SPG7: variants seen among roughly 807,000 people sequenced by gnomAD.
The protein encoded by SPG7 is mitochondrial inner membrane m-AAA protease component paraplegin.
In SPG7, 103 loss-of-function variants were observed where a neutral mutation model predicts 81.9. The observed-to-expected ratio is 1.26, with a 90% CI of 1.07 to 1.48. The LOEUF is 1.48. SPG7 is among the 40% of genes most tolerant of loss of function. The pLI is 0.00. For missense variants in SPG7, 1,241 were observed against 1,087.3 expected, an observed-to-expected ratio of 1.14 and a Z score of -1.99; for synonymous variants, 534 against 444.2, an observed-to-expected ratio of 1.20 and a Z score of -2.54.
At position 89,525,612 on chromosome 16, in the gene SPG7, G is replaced by A. The variant is rs117124148; in HGVS notation, c.619-717G>A. ...TGTGTCCTCCCTTTGGGGTGTTGCC[G>A]TCCAGTCATGCTGAAATCTGAGCTA... On this transcript the variant is annotated intron_variant, in intron 4 of 16. Coordinates refer to ENST00000645818, the MANE Select transcript of SPG7 (RefSeq NM_003119.4). 7.7e-3 allele frequency among the ~76,000 whole-genome samples: 1,169 copies of A among 152,190 alleles called. 10 individuals carry two copies. The highest frequency in any genetic ancestry group is 0.014 in the Admixed American group (207 of 15,278).
chr16:89,522,593 G>C (rs1180557088), intron 3 of SPG7: 3 of 152,304 alleles, frequency 2.0e-5, no homozygotes, highest in African/African-American at 7.2e-5. Flanking sequence ...AGGGGCGCAG[G>C]TGTTCTGGAG....
In SPG7 at chr16:89,508,460, C is replaced by G. The variant is rs757046310; in HGVS notation, c.43C>G (p.Pro15Ala). The G allele has an allele frequency of 1.3e-6, 2 of 1,507,084 alleles. No homozygotes were observed. The highest frequency in any genetic ancestry group is 1.2e-5 in the South Asian group (1 of 81,206). 93.4% of individuals were successfully genotyped at this position (1,507,084 alleles called of 1,614,324 possible). A position where few individuals can be genotyped will look rare whatever the true frequency, so the allele number is the denominator to read the frequency against. Residue 15 changes from proline (P) to alanine (A), a missense_variant, in exon 1 of 17, where the codon CCA (proline) becomes GCA (alanine). Physicochemically the swap from Pro to Ala is conservative, Grantham distance 27. Transcript: ENST00000645818. ...GCTGCTCCGTGCCCTCCGCCGGGGT[C>G]CAGGCCCGGGTCCTCGGCCGCTGTG... is the stretch of plus-strand genomic sequence containing the variant. ...LLLLRALRRG[P>A]GPGPRPLWGP...
intron 9 of SPG7, among the ~76,000 whole-genome samples, chr16:89,534,316 C>G (rs1206909563): frequency 6.6e-6 from 1 of 152,188 alleles, no homozygotes; most frequent in Non-Finnish European, 1.5e-5. Flanking sequence ...GCCACCTGTA[C>G]TGGGCACGTG....
At position 89,548,918 on chromosome 16, in the gene SPG7, C is replaced by T. The variant is rs75158903; in HGVS notation, c.1663+805C>T. 141 of 453,828 alleles carry T rather than the reference C, an allele frequency of 3.1e-4. 2 individuals are homozygous for T. Among genetic ancestry groups the T allele is most frequent in the African/African-American group, 2.3e-3 (116 of 50,104 alleles). The allele number at this position is 453,828 out of a possible 1,614,324, so 28.1% of individuals were successfully genotyped here. A position where few individuals can be genotyped will look rare whatever the true frequency, so the allele number is the denominator to read the frequency against. ...GAGCCTCCTTTGCGAGCTATCCCTG[C>T]GAGAACCGAGTTCCTCACCCTCAAT... On this transcript the variant is annotated intron_variant, in intron 12 of 16. Transcript: ENST00000645818.
In SPG7 at chr16:89,550,672, G is replaced by A. The variant is rs552142157; in HGVS notation, c.1779+63G>A. The A allele has an allele frequency of 2.4e-5, 27 of 1,122,294 alleles. No homozygotes were observed. In the African/African-American group the frequency reaches 2.7e-4, roughly 11 times the overall value. The allele number at this position is 1,122,294 out of a possible 1,614,324, so 69.5% of individuals were successfully genotyped here. A position where few individuals can be genotyped will look rare whatever the true frequency, so the allele number is the denominator to read the frequency against. The stretch of plus-strand genomic sequence containing the variant: ...CAAAGGTGGGTGGGGAGTCCCGCCT[G>A]TGTCTGTAGCTGACTGGGGAGTCCC... On this transcript the variant is annotated intron_variant, in intron 13 of 16. Transcript: ENST00000645818.
intron 8 of SPG7, 124 bp from the exon 9 acceptor site, chr16:89,532,335 CTGTT>C (rs1352581297): frequency 1.1e-5 from 13 of 1,221,494 alleles, no homozygotes; most frequent in Admixed American, 7.4e-5. Context: ...TGCCGTGTGT[CTGTT>C]TGTAGGGAAT....
intron 5 of SPG7, 164 bp from the exon 6 acceptor site, chr16:89,529,313 G>A (rs3803678): frequency 1.8e-5 from 12 of 666,076 alleles, no homozygotes; most frequent in Non-Finnish European, 2.7e-5. Flanking sequence ...AGAATGAGAC[G>A]AGAGAACCCA....
chr16:89,512,855 T>C (rs1428842529), intron 2 of SPG7, 93 bp from the exon 3 acceptor site: 1 of 1,414,476 alleles, frequency 7.1e-7, no homozygotes, highest in Non-Finnish European at 9.9e-7. Flanking sequence ...GGTTTTTGTT[T>C]TGCTTTGGTT....
At chr16:89,546,120 T>TC in intron 10 of SPG7, 1 of 290,466 alleles carries the variant, frequency 3.4e-6, no homozygotes, top group Non-Finnish European at 6.7e-6. Flanking sequence ...ACAGTCTCAC[T>TC]CTATCCCCCA....
chr16:89,513,856 C>G (rs549881200), intron 3 of SPG7, among the ~76,000 whole-genome samples: 38 of 152,206 alleles, frequency 2.5e-4, no homozygotes, highest in Non-Finnish European at 4.8e-4. Flanking sequence ...ACTTTTTCTT[C>G]CCATGTTGCT....
At chr16:89,522,091 C>G (rs1375142720) in intron 3 of SPG7, 2 of 152,212 alleles carry the variant, frequency 1.3e-5, no homozygotes, top group African/African-American at 2.4e-5. Flanking sequence ...TAAATTTGCT[C>G]TCTGAAATAA....
chr16:89,525,168 A>G (rs762260994), intron 4 of SPG7, among the ~76,000 whole-genome samples: 57 of 151,836 alleles, frequency 3.8e-4, no homozygotes, highest in Non-Finnish European at 1.6e-4. Context: ...AGGTCTCACT[A>G]TATTGCCCAG....
At chr16:89,531,019 C>T in intron 7 of SPG7, 1 of 672,656 alleles carries the variant, frequency 1.5e-6, no homozygotes, top group African/African-American at 1.8e-5. Context: ...CAAGCAGAGG[C>T]TGCCAAGACC....
intron 12 of SPG7, chr16:89,549,023 G>A (rs2058601885): frequency 2.2e-6 from 1 of 456,238 alleles, no homozygotes; most frequent in African/African-American, 2.0e-5. Flanking sequence ...TTCCTGCAGA[G>A]GAGTGGGGCA....
chr16:89,542,877 T>TGAGCCACCGCACCTGGC, intron 9 of SPG7: 1 of 151,010 alleles, frequency 6.6e-6, no homozygotes, highest in African/African-American at 2.5e-5. Flanking sequence ...GCTGGGATTA[T>TGAGCCACCGCACCTGGC]TAAGGGTTTC....
intron 11 of SPG7, 190 bp downstream of exon 11, chr16:89,546,950 T>G: frequency 1.7e-6 from 1 of 601,274 alleles, no homozygotes; most frequent in Non-Finnish European, 3.1e-6. Flanking sequence ...GCACCCGCAC[T>G]CCGTCCTCCG....
intron 4 of SPG7, among the ~76,000 whole-genome samples, chr16:89,524,724 C>A (rs113178267): frequency 1.3e-5 from 2 of 152,104 alleles, no homozygotes; most frequent in Non-Finnish European, 2.9e-5. Flanking sequence ...GGATTACAGG[C>A]GTGAGCCATC....
chr16:89,510,865 G>T (rs921752926), intron 2 of SPG7, among the ~76,000 whole-genome samples: 7 of 152,128 alleles, frequency 4.6e-5, no homozygotes, highest in African/African-American at 1.7e-4. Context: ...TCACTTTGTT[G>T]TCCAGGCCCA....
chr16:89,529,899 G>T lies in SPG7; in HGVS notation c.861+320G>T, dbSNP rs186532721. The T allele has an allele frequency of 4.5e-3, 1,732 of 382,918 alleles. 3 individuals are homozygous for T. The highest frequency in any genetic ancestry group is 6.9e-3 in the Non-Finnish European group (1,377 of 199,654). The allele number at this position is 382,918 out of a possible 1,614,324, so 23.7% of individuals were successfully genotyped here. A position where few individuals can be genotyped will look rare whatever the true frequency, so the allele number is the denominator to read the frequency against. On this transcript the variant is annotated intron_variant, in intron 6 of 16. Coordinates refer to ENST00000645818, the MANE Select transcript of SPG7 (RefSeq NM_003119.4). ...TTCTTGCCCAGGCTGGAGTGCAGCC[G>T]TGCGATCTCAGCTCACCGCAACTTG...
Sources: gnomAD v4.1 joint callset for allele counts (sites outside exome capture counted in the v4.1 genomes callset) on GRCh38, gnomAD v4.1.1 for gene constraint, MANE v1.5 for transcripts, NCBI Gene and HGNC (gene_info 2026-07-23, HGNC 2026-07-21) for gene names.